Variants in FBXO25 observed in about 807,000 individuals in gnomAD.
FBXO25 encodes the protein F-box only protein 25.
A neutral mutation model predicts 51.9 loss-of-function variants in FBXO25; 45 were observed. That is an observed-to-expected ratio of 0.87 (90% confidence interval 0.68 to 1.11). The LOEUF is 1.11. FBXO25 is among the 50% of genes most tolerant of loss of function. The probability of loss-of-function intolerance (pLI) is 0.00; values close to 1 mark genes in which losing one functional copy is unlikely to be tolerated. For missense variants in FBXO25, 507 were observed against 428.5 expected (o/e 1.18, Z -1.62); for synonymous variants, 199 against 151.0 (o/e 1.32, Z -2.33).
At chr8:432,436 C>CG (rs201551020) in intron 3 of FBXO25, among the ~76,000 whole-genome samples, 12,629 of 152,162 alleles carry the variant, frequency 0.083, 676 homozygotes, top group African/African-American at 0.15. Flanking sequence ...ACTGTGAATA[C>CG]GGGGGGACTA....
At chr8:439,175 C>T (rs1045849992) in intron 5 of FBXO25, among the ~76,000 whole-genome samples, 2 of 152,166 alleles carry the variant, frequency 1.3e-5, no homozygotes, top group African/African-American at 4.8e-5. Flanking sequence ...GTGGTTTTTA[C>T]ACATTTGTTA....
intron 8 of FBXO25, among the ~76,000 whole-genome samples, chr8:459,074 G>A (rs149999165): frequency 2.0e-3 from 298 of 152,278 alleles, no homozygotes; most frequent in African/African-American, 6.9e-3. Flanking sequence ...TTTGCAGGGT[G>A]GTCTGCTTAT....
chr8:466,878 G>A (rs1490647550), intron 9 of FBXO25, among the ~76,000 whole-genome samples: 1 of 152,200 alleles, frequency 6.6e-6, no homozygotes, highest in Admixed American at 6.5e-5. Flanking sequence ...GAGAGGGGTG[G>A]CGTTACCTCC....
intron 5 of FBXO25, among the ~76,000 whole-genome samples, chr8:441,378 A>G (rs1455066936): frequency 6.6e-6 from 1 of 152,236 alleles, no homozygotes; most frequent in Non-Finnish European, 1.5e-5. Flanking sequence ...AAGATGGATT[A>G]AAGACTTAAA....
At chr8:435,428 A>C in intron 4 of FBXO25, 187 bp from the exon 5 acceptor site, 2 of 708,384 alleles carry the variant, frequency 2.8e-6, no homozygotes, top group South Asian at 4.2e-5. Context: ...TCAGGTATAC[A>C]TAAACAGCTT....
chr8:408,985 G>A (rs111307273), intron 1 of FBXO25, among the ~76,000 whole-genome samples: 3,317 of 152,162 alleles, frequency 0.022, 69 homozygotes, highest in East Asian at 0.11. Flanking sequence ...TAAAATAAGC[G>A]TATAAAGCTC....
chr8:429,392 T>C (rs1256545824), intron 2 of FBXO25, among the ~76,000 whole-genome samples: 1 of 152,196 alleles, frequency 6.6e-6, no homozygotes, highest in African/African-American at 2.4e-5. Context: ...AATCAAGTTG[T>C]TGGGCAGGTT....
At chr8:432,832 T>G (rs1797893745) in intron 3 of FBXO25, 54 bp from the exon 4 acceptor site, 2 of 1,481,918 alleles carry the variant, frequency 1.3e-6, no homozygotes, top group African/African-American at 2.9e-5. Flanking sequence ...CTTTAAAATC[T>G]TCATTTTGAA....
At chr8:416,247 A>T (rs180782085) in intron 2 of FBXO25, among the ~76,000 whole-genome samples, 1 of 151,948 alleles carries the variant, frequency 6.6e-6, no homozygotes, top group Non-Finnish European at 1.5e-5. Context: ...CAATATTTCA[A>T]ACTCCTTCAC....
intron 5 of FBXO25, among the ~76,000 whole-genome samples, chr8:436,642 C>T (rs1798119897): frequency 6.6e-6 from 1 of 152,162 alleles, no homozygotes. Flanking sequence ...ACACACTGGC[C>T]AGCAGGGTGT....
chr8:472,937 C>G lies in FBXO25; in HGVS notation c.*4133C>G, dbSNP rs1017928416. 1 of 152,228 alleles carries G rather than the reference C, an allele frequency of 6.6e-6. No individual in the cohort carries two copies. The highest frequency in any genetic ancestry group is 2.4e-5 in the African/African-American group (1 of 41,462). The allele number at this position is 152,228 out of a possible 1,614,324, so 9.4% of individuals were successfully genotyped here. On this transcript the variant is annotated 3_prime_UTR_variant, in exon 10 of 10. Transcript: ENST00000350302. The stretch of plus-strand genomic sequence containing the variant: ...TGATGTGTGCACGTGATGGACACCA[C>G]TCACCTCCCTTTAGTCCCTATCAAA...
intron 1 of FBXO25, chr8:407,480 G>A (rs1025533473): frequency 9.3e-5 from 90 of 972,290 alleles, no homozygotes; most frequent in Admixed American, 2.5e-4. Flanking sequence ...GAGTCGGGTG[G>A]GCACGGGGGC....
intron 8 of FBXO25, 33 bp from the exon 9 acceptor site, chr8:462,974 A>C (rs372324936): frequency 3.8e-6 from 6 of 1,586,794 alleles, no homozygotes; most frequent in African/African-American, 2.7e-5. Context: ...AAGTCATCTT[A>C]TGCGGATTCT....
chr8:431,015 A>G (rs1797789456), intron 2 of FBXO25, among the ~76,000 whole-genome samples: 1 of 152,150 alleles, frequency 6.6e-6, no homozygotes, highest in Non-Finnish European at 1.5e-5. Context: ...TCATATTCTT[A>G]CCATCTTTTT....
chr8:430,581 C>G (rs1020382458), intron 2 of FBXO25, among the ~76,000 whole-genome samples: 1 of 152,168 alleles, frequency 6.6e-6, no homozygotes, highest in East Asian at 1.9e-4. Context: ...CCTCCACCAA[C>G]CAGCTTGTCT....
At position 450,002 on chromosome 8, in the gene FBXO25, A is replaced by C. The variant is rs1798977789; in HGVS notation, c.394A>C (p.Ile132Leu). The C allele has an allele frequency of 6.2e-7, 1 of 1,610,744 alleles. No homozygotes were observed. Among genetic ancestry groups the C allele is most frequent in the Admixed American group, 1.7e-5 (1 of 59,270 alleles). ...TCTTTCCTTTAAGCTGTTGCAGCTA[A>C]TTGCAAAATCCCAGTTAACTTCATT... is the stretch of plus-strand genomic sequence containing the variant. ...FNYVVKLLQL[I>L]AKSQLTSLSG... The change falls in exon 6 of 10, where the codon ATT (isoleucine) becomes CTT (leucine). Residue 132 changes from isoleucine to leucine, a missense_variant. Ile to Leu is a conservative substitution (Grantham distance 5). Transcript: ENST00000350302.
chr8:415,520 G>C (rs186550630), intron 2 of FBXO25, among the ~76,000 whole-genome samples: 1 of 152,156 alleles, frequency 6.6e-6, no homozygotes, highest in Non-Finnish European at 1.5e-5. Context: ...AGGGTAGGTC[G>C]GCTGGGGTCC....
chr8:468,683 C>A, intron 9 of FBXO25, 32 bp from the exon 10 acceptor site: 1 of 1,588,682 alleles, frequency 6.3e-7, no homozygotes, highest in South Asian at 1.1e-5. Context: ...GGTGGTGGGG[C>A]CCCCTCCTAA....
At chr8:462,947 CTAATAT>C (rs1200754855) in intron 8 of FBXO25, 54 bp from the exon 9 acceptor site, 1 of 1,538,438 alleles carries the variant, frequency 6.5e-7, no homozygotes, top group East Asian at 2.3e-5. Context: ...AGTTTTACAC[CTAATAT>C]TATGTTTTGA....
Sources: gnomAD v4.1 joint callset for allele counts (sites outside exome capture counted in the v4.1 genomes callset) on GRCh38, gnomAD v4.1.1 for gene constraint, MANE v1.5 for transcripts, NCBI Gene and HGNC (gene_info 2026-07-23, HGNC 2026-07-21) for gene names.